The following PPP2R2B variants were observed in gnomAD, a reference collection of about 807,000 sequenced individuals.
The protein encoded by PPP2R2B is protein phosphatase 2 regulatory subunit Bbeta, also known as serine/threonine-protein phosphatase 2A 55 kDa regulatory subunit B beta isoform.
In PPP2R2B, 5 loss-of-function variants were observed where a neutral mutation model predicts 46.0. The observed-to-expected ratio is 0.11, with a 90% CI of 0.06 to 0.23. The LOEUF (loss-of-function observed/expected upper bound fraction) is 0.23, where lower values mean the gene tolerates loss of function less well. PPP2R2B is among the 10% of genes least tolerant of loss of function. The pLI, the probability that PPP2R2B is intolerant of heterozygous loss-of-function variation, is 1.00. For missense variants in PPP2R2B, 367 were observed against 575.0 expected, an observed-to-expected ratio of 0.64 and a Z score of 3.70; for synonymous variants, 215 against 206.7, an observed-to-expected ratio of 1.04 and a Z score of -0.34.
At chr5:146,863,361 C>T (rs935991156) in intron 2 of PPP2R2B, among the ~76,000 whole-genome samples, 2 of 152,186 alleles carry the variant, frequency 1.3e-5, no homozygotes, top group African/African-American at 4.8e-5. Context: ...AAGCTCTTCT[C>T]TGCCTGTCAT....
At chr5:146,655,521 C>A (rs1457951994) in intron 5 of PPP2R2B, among the ~76,000 whole-genome samples, 1 of 152,170 alleles carries the variant, frequency 6.6e-6, no homozygotes, top group Non-Finnish European at 1.5e-5. Flanking sequence ...AGTGAATTTT[C>A]ATCGCTATCC....
chr5:146,924,847 T>C (rs1429832172), intron 1 of PPP2R2B, among the ~76,000 whole-genome samples: 2 of 152,192 alleles, frequency 1.3e-5, no homozygotes, highest in African/African-American at 2.4e-5. Context: ...GCTTCATCCA[T>C]GTCCCTGCAA....
At chr5:146,832,611 G>C (rs1321829115) in intron 2 of PPP2R2B, among the ~76,000 whole-genome samples, 3 of 151,688 alleles carry the variant, frequency 2.0e-5, no homozygotes, top group African/African-American at 7.3e-5. Flanking sequence ...GGCTGGTCTT[G>C]AACTCCTGAC....
At chr5:146,643,871 G>A (rs962646764) in intron 6 of PPP2R2B, among the ~76,000 whole-genome samples, 1 of 152,198 alleles carries the variant, frequency 6.6e-6, no homozygotes, top group Non-Finnish European at 1.5e-5. Flanking sequence ...TAAACTAGGC[G>A]AGCTTCCATA....
intron 5 of PPP2R2B, among the ~76,000 whole-genome samples, chr5:146,674,991 T>G (rs1777611733): frequency 6.6e-6 from 1 of 152,068 alleles, no homozygotes; most frequent in Admixed American, 6.5e-5. Context: ...AGAGATGGAG[T>G]CTCGCTCTGT....
chr5:147,069,657 T>C (rs1757516276), intron 2 of PPP2R2B, among the ~76,000 whole-genome samples: 1 of 152,118 alleles, frequency 6.6e-6, no homozygotes, highest in African/African-American at 2.4e-5. Context: ...TGAACATGGT[T>C]TCTACTCATT....
At chr5:146,768,317 A>G (rs1754618800) in intron 2 of PPP2R2B, among the ~76,000 whole-genome samples, 1 of 152,090 alleles carries the variant, frequency 6.6e-6, no homozygotes, top group Non-Finnish European at 1.5e-5. Context: ...CAAACAATCC[A>G]TCTGCCCTGG....
At chr5:146,734,790 G>A (rs956211150) in intron 2 of PPP2R2B, among the ~76,000 whole-genome samples, 7 of 152,120 alleles carry the variant, frequency 4.6e-5, no homozygotes, top group African/African-American at 1.7e-4. Context: ...GATTTGCCTG[G>A]TACCTTCCAT....
chr5:146,648,804 T>A (rs914504895), intron 6 of PPP2R2B, among the ~76,000 whole-genome samples: 2 of 152,034 alleles, frequency 1.3e-5, no homozygotes, highest in African/African-American at 4.8e-5. Context: ...ATGCAAAGAA[T>A]GGAAGAATAA....
intron 1 of PPP2R2B, among the ~76,000 whole-genome samples, chr5:146,912,136 G>A (rs1460367072): frequency 1.3e-5 from 2 of 151,744 alleles, no homozygotes; most frequent in Non-Finnish European, 2.9e-5. Flanking sequence ...CTACTTGGGA[G>A]GCTGAGGCAG....
intron 1 of PPP2R2B, among the ~76,000 whole-genome samples, chr5:146,985,956 G>A (rs962121091): frequency 6.6e-6 from 1 of 152,072 alleles, no homozygotes; most frequent in Non-Finnish European, 1.5e-5. Flanking sequence ...AACAGGAAAA[G>A]GTAGAGCAAG....
At chr5:146,972,611 C>A (rs1334638277) in intron 1 of PPP2R2B, among the ~76,000 whole-genome samples, 1 of 152,062 alleles carries the variant, frequency 6.6e-6, no homozygotes, top group East Asian at 1.9e-4. Flanking sequence ...ACTCAAGAGG[C>A]TGAGGCAGGA....
chr5:147,081,064 G>A lies in PPP2R2B; in HGVS notation c.45C>T (p.His15=), dbSNP rs796917530. Reference sequence around the variant, plus strand: ...GGCATGGGGATTTCTCCTACCTTCTGTGGTTCCAATCTCGATAGTGCCTTT... The same window carrying A: ...GGCATGGGGATTTCTCCTACCTTCTATGGTTCCAATCTCGATAGTGCCTTT... The change falls in exon 2 of 11, where the codon CAC becomes CAT. Residue 15 remains histidine, a synonymous_variant. Transcript: ENST00000394413. The A allele has an allele frequency of 2.0e-6, 3 of 1,535,218 alleles. No homozygotes were observed. In the African/African-American group the frequency reaches 4.1e-5, roughly 21 times the overall value.
intron 5 of PPP2R2B, among the ~76,000 whole-genome samples, chr5:146,653,385 T>G (rs373746): frequency 0.78 from 118,137 of 152,068 alleles, 46,272 homozygotes; most frequent in East Asian, 0.82. Flanking sequence ...TTAGGTGTTG[T>G]AGGTGTTCAT....
chr5:146,601,561 T>C (rs564689607), intron 7 of PPP2R2B, among the ~76,000 whole-genome samples: 74 of 152,186 alleles, frequency 4.9e-4, no homozygotes, highest in African/African-American at 1.6e-3. Flanking sequence ...AAGGAAGAAA[T>C]AAAAAAAGTG....
intron 1 of PPP2R2B, among the ~76,000 whole-genome samples, chr5:147,045,704 A>G (rs929439437): frequency 3.9e-5 from 6 of 152,120 alleles, no homozygotes; most frequent in African/African-American, 1.4e-4. Flanking sequence ...CTGGGTTAAG[A>G]TGAAACTTTG....
chr5:146,890,056 T>C (rs1016416103), intron 1 of PPP2R2B, among the ~76,000 whole-genome samples: 1 of 152,216 alleles, frequency 6.6e-6, no homozygotes, highest in African/African-American at 2.4e-5. Flanking sequence ...TCTTCTTAAC[T>C]TTTGTTTTGC....
At chr5:146,987,480 G>T (rs1056258609) in intron 1 of PPP2R2B, among the ~76,000 whole-genome samples, 1 of 152,068 alleles carries the variant, frequency 6.6e-6, no homozygotes, top group Non-Finnish European at 1.5e-5. Context: ...AAGACAAAAT[G>T]TAGGGATAAG....
intron 5 of PPP2R2B, 95 bp from the exon 6 acceptor site, chr5:146,650,819 A>G: frequency 8.6e-7 from 1 of 1,169,002 alleles, no homozygotes; most frequent in Non-Finnish European, 1.2e-6. Flanking sequence ...CACACAAAAT[A>G]ATAGCCACAT....
Sources: allele counts gnomAD v4.1 joint callset (sites outside exome capture counted in the v4.1 genomes callset), GRCh38; gene constraint gnomAD v4.1.1; transcripts MANE v1.5; gene names NCBI Gene and HGNC (gene_info 2026-07-23, HGNC 2026-07-21).